The following UBE2G1 variants were observed in gnomAD, a reference collection of about 807,000 sequenced individuals.
UBE2G1 encodes ubiquitin-conjugating enzyme E2 G1.
A neutral mutation model predicts 22.7 loss-of-function variants in UBE2G1; 5 were observed. The ratio of observed to expected loss-of-function variants is 0.22; its 90% confidence interval spans 0.12 to 0.46. The LOEUF (loss-of-function observed/expected upper bound fraction) is 0.46. UBE2G1 is among the 20% of genes least tolerant of loss of function. The pLI is 0.99. For missense variants in UBE2G1, 88 were observed against 203.9 expected (o/e 0.43, Z 3.46); for synonymous variants, 74 against 67.5 (o/e 1.10, Z -0.47).
chr17:4,314,785 C>A (rs1969347668), intron 1 of UBE2G1, among the ~76,000 whole-genome samples: 1 of 152,108 alleles, frequency 6.6e-6, no homozygotes, highest in South Asian at 2.1e-4. Flanking sequence ...CCCCTAAGTA[C>A]AATAACTAAT....
chr17:4,273,743 G>A (rs991587297), intron 5 of UBE2G1, among the ~76,000 whole-genome samples: 3 of 152,088 alleles, frequency 2.0e-5, no homozygotes, highest in Non-Finnish European at 1.5e-5. Flanking sequence ...GCCAAGGACA[G>A]CAGAAAAGGA....
chr17:4,301,743 C>T, intron 2 of UBE2G1: 1 of 647,342 alleles, frequency 1.5e-6, no homozygotes, highest in Non-Finnish European at 3.0e-6. Context: ...GTGGGGAGTG[C>T]TCAGCAGTTG....
At chr17:4,294,856 T>A (rs1969089810) in intron 3 of UBE2G1, among the ~76,000 whole-genome samples, 1 of 151,948 alleles carries the variant, frequency 6.6e-6, no homozygotes, top group Non-Finnish European at 1.5e-5. Context: ...TGAGCTGTGA[T>A]CATGCCATTG....
chr17:4,299,817 CCT>C (rs1969153073), intron 2 of UBE2G1, among the ~76,000 whole-genome samples: 1 of 132,326 alleles, frequency 7.6e-6, no homozygotes, highest in South Asian at 2.7e-4. Context: ...CCCCTCTTTT[CCT>C]TTTTTTAGTT....
At chr17:4,312,105 G>A (rs747243910) in intron 1 of UBE2G1, among the ~76,000 whole-genome samples, 17 of 151,860 alleles carry the variant, frequency 1.1e-4, no homozygotes, top group Non-Finnish European at 2.1e-4. Flanking sequence ...AAAATTAGCC[G>A]GGTGGTGGTG....
intron 1 of UBE2G1, among the ~76,000 whole-genome samples, chr17:4,355,380 C>T (rs762408162): frequency 6.6e-5 from 10 of 151,094 alleles, no homozygotes; most frequent in Admixed American, 1.3e-4. Context: ...ATGGCTCAAG[C>T]CTATAATCCC....
chr17:4,290,779 CTTTTTT>C (rs34313850), intron 3 of UBE2G1, among the ~76,000 whole-genome samples: 5 of 117,966 alleles, frequency 4.2e-5, no homozygotes, highest in East Asian at 2.5e-4. Context: ...CCATTCCTGG[CTTTTTT>C]TTTTTTTTTT....
chr17:4,341,202 T>G (rs1191003388), intron 1 of UBE2G1, among the ~76,000 whole-genome samples: 1 of 152,178 alleles, frequency 6.6e-6, no homozygotes, highest in African/African-American at 2.4e-5. Context: ...ATTACAAACT[T>G]AACAATTTCA....
intron 2 of UBE2G1, among the ~76,000 whole-genome samples, chr17:4,299,661 T>A (rs933669734): frequency 6.6e-6 from 1 of 151,960 alleles, no homozygotes; most frequent in Non-Finnish European, 1.5e-5. Context: ...ACTAAAAGAG[T>A]AGCCCTAAAA....
At chr17:4,306,606 C>G (rs1035595367) in intron 2 of UBE2G1, among the ~76,000 whole-genome samples, 1 of 152,180 alleles carries the variant, frequency 6.6e-6, no homozygotes, top group Non-Finnish European at 1.5e-5. Flanking sequence ...ATTTCTCCTG[C>G]TCCTTAAAAA....
Position 4,270,706 on chromosome 17 carries a change from A to C in UBE2G1, c.*1848T>G. On this transcript the variant is annotated 3_prime_UTR_variant, in exon 6 of 6. Transcript: ENST00000396981. ...AAGAAAACTGGGTTCTAATGAATCAATTTCCAGTCACAACACACTTACGAG... is the reference window on the plus strand; with the variant it reads ...AAGAAAACTGGGTTCTAATGAATCACTTTCCAGTCACAACACACTTACGAG... 1 of 152,094 alleles carries C rather than the reference A, an allele frequency of 6.6e-6. No homozygotes were observed. The highest frequency in any genetic ancestry group is 1.5e-5 in the Non-Finnish European group (1 of 68,024). The allele number at this position is 152,094 out of a possible 1,614,324, so 9.4% of individuals were successfully genotyped here. A position where few individuals can be genotyped will look rare whatever the true frequency, so the allele number is the denominator to read the frequency against.
intron 1 of UBE2G1, among the ~76,000 whole-genome samples, chr17:4,336,078 G>A (rs1357463776): frequency 6.6e-6 from 1 of 152,148 alleles, no homozygotes; most frequent in African/African-American, 2.4e-5. Flanking sequence ...CCCGGGAGGT[G>A]GAGGTTGCAG....
intron 1 of UBE2G1, among the ~76,000 whole-genome samples, chr17:4,340,491 G>C (rs1969698652): frequency 6.6e-6 from 1 of 152,142 alleles, no homozygotes; most frequent in Non-Finnish European, 1.5e-5. Context: ...GCTGTGATTA[G>C]ATCATGGGGG....
chr17:4,339,033 T>C (rs1246934335), intron 1 of UBE2G1, among the ~76,000 whole-genome samples: 1 of 152,196 alleles, frequency 6.6e-6, no homozygotes, highest in Non-Finnish European at 1.5e-5. Context: ...TATCCACCTC[T>C]ATTTTACAGG....
At chr17:4,314,845 C>G (rs1392721836) in intron 1 of UBE2G1, among the ~76,000 whole-genome samples, 2 of 152,110 alleles carry the variant, frequency 1.3e-5, no homozygotes, top group Non-Finnish European at 2.9e-5. Context: ...CCCTGGGACA[C>G]AATTAGCAAG....
At chr17:4,312,666 A>C (rs986206355) in intron 1 of UBE2G1, among the ~76,000 whole-genome samples, 5 of 142,996 alleles carry the variant, frequency 3.5e-5, no homozygotes, top group South Asian at 2.3e-4. Context: ...ACTGCACTCC[A>C]GCCTGGGCGA....
rs1022483879 is a variant in UBE2G1 at position 4,366,613 on chromosome 17, G to A, written c.-297C>T. On this transcript the variant is annotated 5_prime_UTR_variant, in exon 1 of 6. Coordinates refer to ENST00000396981, the MANE Select transcript of UBE2G1 (RefSeq NM_003342.5). ...CTTCAACCCGCCCGTCGGCCCCACC[G>A]GTGCCTTCCCCCGCCACTGCCTCAC... 6 of 322,360 alleles carry A rather than the reference G, an allele frequency of 1.9e-5. No homozygotes were observed. The highest frequency in any genetic ancestry group is 3.4e-5 in the Non-Finnish European group (6 of 175,256). 20.0% of individuals were successfully genotyped at this position (322,360 alleles called of 1,614,324 possible). A position where few individuals can be genotyped will look rare whatever the true frequency, so the allele number is the denominator to read the frequency against.
At chr17:4,337,941 C>T (rs922595817) in intron 1 of UBE2G1, among the ~76,000 whole-genome samples, 7 of 152,038 alleles carry the variant, frequency 4.6e-5, no homozygotes, top group African/African-American at 1.2e-4. Flanking sequence ...GAGGCTGAGG[C>T]GGTTGGATCA....
intron 1 of UBE2G1, among the ~76,000 whole-genome samples, chr17:4,309,729 T>C (rs571131822): frequency 1.3e-5 from 2 of 152,252 alleles, no homozygotes; most frequent in South Asian, 4.2e-4. Context: ...TACACAAGAG[T>C]CTTGTGAAAG....
Sources: gnomAD v4.1 joint callset for allele counts (sites outside exome capture counted in the v4.1 genomes callset) on GRCh38, gnomAD v4.1.1 for gene constraint, MANE v1.5 for transcripts, NCBI Gene and HGNC (gene_info 2026-07-23, HGNC 2026-07-21) for gene names.